CFAP47: variants seen among roughly 807,000 people sequenced by gnomAD.
CFAP47 encodes the protein cilia and flagella associated protein 47.
Under a neutral mutation model 148.1 loss-of-function variants are expected in CFAP47, and 29 were observed. That is an observed-to-expected ratio of 0.20 (90% confidence interval 0.15 to 0.27). The LOEUF (loss-of-function observed/expected upper bound fraction) is 0.27, where lower values mean the gene tolerates loss of function less well. Among genes scored for constraint, CFAP47 ranks in the 10% least tolerant of loss-of-function variants. The pLI, the probability that CFAP47 is intolerant of heterozygous loss-of-function variation, is 1.00. For missense variants in CFAP47, 1,872 were observed against 1,697.5 expected (o/e 1.10, Z -1.81); for synonymous variants, 664 against 577.3 (o/e 1.15, Z -2.15).
intron 26 of CFAP47, among the ~76,000 whole-genome samples, chrX:36,063,453 GA>G (rs1255701267): frequency 9.0e-6 from 1 of 111,215 alleles, no homozygotes; most frequent in Non-Finnish European, 1.9e-5. Context: ...TATGCTCTAT[GA>G]AAAGAATGTG....
chrX:35,968,985 A>G, intron 10 of CFAP47, among the ~76,000 whole-genome samples: 1 of 110,298 alleles, frequency 9.1e-6, no homozygotes. Context: ...ATATCTATGT[A>G]TCTACATATG....
chrX:35,937,320 C>T (rs763067619), intron 2 of CFAP47, among the ~76,000 whole-genome samples: 1 of 107,756 alleles, frequency 9.3e-6, no homozygotes, highest in Non-Finnish European at 1.9e-5. Context: ...TTCAGGGGGG[C>T]TCCTGTTTGA....
chrX:35,957,335 A>G (rs776266558), intron 8 of CFAP47, among the ~76,000 whole-genome samples: 42 of 111,543 alleles, frequency 3.8e-4, no homozygotes, highest in Non-Finnish European at 6.0e-4. Context: ...TATAGCAAAC[A>G]TGAGTGCTTT....
At chrX:36,197,669 G>A (rs1939934237) in intron 42 of CFAP47, among the ~76,000 whole-genome samples, 1 of 111,989 alleles carries the variant, frequency 8.9e-6, no homozygotes, top group Non-Finnish European at 1.9e-5. Context: ...TGCTTGTAAA[G>A]TACGTGGCTG....
At chrX:36,156,673 A>G (rs961052439) in intron 37 of CFAP47, among the ~76,000 whole-genome samples, 1 of 110,719 alleles carries the variant, frequency 9.0e-6, no homozygotes, top group Admixed American at 9.7e-5. Flanking sequence ...CAAAAAAAAT[A>G]AAAGGTAAAA....
At chrX:36,345,765 G>A (rs1212554191) in intron 57 of CFAP47, among the ~76,000 whole-genome samples, 5 of 111,271 alleles carry the variant, frequency 4.5e-5, no homozygotes, top group East Asian at 5.6e-4. Flanking sequence ...TACTTAGCAC[G>A]GAGCCTGAAT....
chrX:35,977,108 T>G lies in CFAP47; in HGVS notation c.2713+1195T>G, dbSNP rs940506663. Reference sequence around the variant, plus strand: ...TGATCAATACGGTATCTTTGTTTTATGTACATGTTGTGCCTTTCCAGCTAG... The same window carrying G: ...TGATCAATACGGTATCTTTGTTTTAGGTACATGTTGTGCCTTTCCAGCTAG... On this transcript the variant is annotated intron_variant, in intron 15 of 63. Transcript: ENST00000378653. Among the ~76,000 whole-genome samples, 16 of 112,132 alleles carry G rather than the reference T, an allele frequency of 1.4e-4. No homozygotes were observed. The Admixed American group carries it at 1.5e-3, about 11-fold the overall frequency.
intron 63 of CFAP47, 114 bp from the exon 64 acceptor site, chrX:36,384,683 C>A: frequency 2.0e-6 from 1 of 502,878 alleles, no homozygotes; most frequent in Non-Finnish European, 3.3e-6. Context: ...CAGTTTTGTA[C>A]CTTTTCCATA....
intron 8 of CFAP47, among the ~76,000 whole-genome samples, chrX:35,960,401 A>AAAAAAAAAT (rs1936312635): frequency 9.6e-6 from 1 of 103,672 alleles, no homozygotes; most frequent in African/African-American, 3.6e-5. Context: ...AAAAAAAAAA[A>AAAAAAAAAT]AAAAAAGGAC....
intron 24 of CFAP47, among the ~76,000 whole-genome samples, chrX:36,036,106 A>G (rs1023430594): frequency 1.8e-5 from 2 of 111,288 alleles, no homozygotes; most frequent in Non-Finnish European, 3.8e-5. Flanking sequence ...CCACAATGAA[A>G]TTACTTAACA....
intron 48 of CFAP47, among the ~76,000 whole-genome samples, chrX:36,241,463 A>C (rs1428055240): frequency 8.9e-6 from 1 of 111,914 alleles, no homozygotes; most frequent in Non-Finnish European, 1.9e-5. Context: ...AGCATCTCCC[A>C]GGGCACCTGC....
At position 36,099,844 on chromosome X, in the gene CFAP47, C is replaced by T. The variant is rs749241599; in HGVS notation, c.5092C>T (p.Arg1698Trp). ...EMSKFEAWSK[R>W]AWTDVFLQIY... ...GTCTAAATTTGAAGCCTGGAGTAAACGGGCATGGACAGATGTATTTCTACA... is the reference window on the plus strand; with the variant it reads ...GTCTAAATTTGAAGCCTGGAGTAAATGGGCATGGACAGATGTATTTCTACA... The change falls in exon 32 of 64, where the codon CGG becomes TGG. Residue 1698 changes from arginine (R) to tryptophan (W), a missense_variant. Transcript: ENST00000378653. The T allele has an allele frequency of 8.2e-6, 8 of 978,084 alleles. No individual in the cohort carries two copies. The highest frequency in any genetic ancestry group is 4.5e-5 in the Admixed American group (2 of 44,372). The allele number at this position is 978,084 out of a possible 1,213,427, so 80.6% of individuals were successfully genotyped here.
intron 1 of CFAP47, among the ~76,000 whole-genome samples, chrX:35,923,851 G>GTA (rs199512634): frequency 1.7e-4 from 16 of 96,570 alleles, no homozygotes; most frequent in East Asian, 3.1e-4. Flanking sequence ...ATATATGTGT[G>GTA]TATATATATA....
At chrX:36,083,243 TGTA>T (rs1338421761) in intron 29 of CFAP47, among the ~76,000 whole-genome samples, 5 of 110,554 alleles carry the variant, frequency 4.5e-5, no homozygotes, top group Middle Eastern at 9.5e-3. Context: ...TACATATAGA[TGTA>T]GTATACATAT....
At chrX:36,316,337 C>A (rs1395575830) in intron 56 of CFAP47, among the ~76,000 whole-genome samples, 1 of 112,338 alleles carries the variant, frequency 8.9e-6, no homozygotes, top group Non-Finnish European at 1.9e-5. Flanking sequence ...GTGAATTTCA[C>A]TGTGTTGTGA....
intron 16 of CFAP47, among the ~76,000 whole-genome samples, chrX:35,990,790 A>G (rs1035069072): frequency 1.8e-5 from 2 of 111,469 alleles, no homozygotes; most frequent in African/African-American, 6.5e-5. Flanking sequence ...GTTTGGGAGT[A>G]TATTTTAAAT....
intron 2 of CFAP47, among the ~76,000 whole-genome samples, chrX:35,937,417 G>A (rs945684580): frequency 9.1e-6 from 1 of 109,827 alleles, no homozygotes; most frequent in African/African-American, 3.3e-5. Context: ...GGGATTGTGA[G>A]ACACCCTGCT....
chrX:36,169,572 G>C lies in CFAP47; in HGVS notation c.6026+8803G>C, dbSNP rs979856538. On this transcript the variant is annotated intron_variant, in intron 39 of 63. Transcript: ENST00000378653. ...TGTTGAGCCCCTCTAGTAATTTTTA[G>C]TTTCAGGGATGTTATTTTTCAATTC... is the stretch of plus-strand genomic sequence containing the variant. 3.6e-5 allele frequency among the ~76,000 whole-genome samples: 4 copies of C among 110,701 alleles called. No individual in the cohort carries two copies. The South Asian group carries it at 1.5e-3, about 42-fold the overall frequency.
intron 23 of CFAP47, among the ~76,000 whole-genome samples, 167 bp from the exon 24 acceptor site, chrX:36,035,528 A>G (rs890020085): frequency 8.9e-6 from 1 of 112,075 alleles, no homozygotes; most frequent in South Asian, 3.7e-4. Context: ...CAGTTTCATC[A>G]GACTAAAAAC....
Sources: allele counts gnomAD v4.1 joint callset (sites outside exome capture counted in the v4.1 genomes callset), GRCh38; gene constraint gnomAD v4.1.1; transcripts MANE v1.5; gene names NCBI Gene and HGNC (gene_info 2026-07-23, HGNC 2026-07-21).